Variants in PATJ observed in about 807,000 individuals in gnomAD.
The protein encoded by PATJ is PATJ crumbs cell polarity complex component, also known as inaD-like protein.
Under a neutral mutation model 224.9 loss-of-function variants are expected in PATJ, and 190 were observed. The observed-to-expected ratio is 0.84, with a 90% confidence interval of 0.75 to 0.95. PATJ has a LOEUF of 0.95. Ranked by LOEUF, PATJ falls within the 40% of genes least tolerant of loss-of-function variation. The pLI is 0.00. For synonymous variants in PATJ, 769 were observed against 820.3 expected, an observed-to-expected ratio of 0.94 and a Z score of 1.07; for missense variants, 2,121 against 2,270.3, an observed-to-expected ratio of 0.93 and a Z score of 1.34.
chr1:62,010,447 C>G (rs565804497), intron 28 of PATJ, among the ~76,000 whole-genome samples: 13 of 151,956 alleles, frequency 8.6e-5, no homozygotes, highest in African/African-American at 2.7e-4. Flanking sequence ...CTCCCCACCC[C>G]GCCCCAGCCT....
chr1:62,159,641 C>T (rs1330630585), intron 43 of PATJ, among the ~76,000 whole-genome samples: 1 of 151,144 alleles, frequency 6.6e-6, no homozygotes, highest in African/African-American at 2.4e-5. Context: ...TCACTCCAAC[C>T]TCTGCAGGTT....
chr1:61,773,111 C>G (rs1398028044), intron 6 of PATJ, among the ~76,000 whole-genome samples: 3 of 152,060 alleles, frequency 2.0e-5, no homozygotes, highest in African/African-American at 7.2e-5. Flanking sequence ...ACCCCCGCCT[C>G]CTGGGTTCAA....
intron 33 of PATJ, among the ~76,000 whole-genome samples, chr1:62,087,536 G>A (rs1005615153): frequency 6.6e-5 from 10 of 151,940 alleles, no homozygotes; most frequent in Admixed American, 6.6e-5. Flanking sequence ...CAAAGGTGGG[G>A]TTTTGCTGGG....
chr1:61,979,623 A>T lies in PATJ; in HGVS notation c.3671-10545A>T, dbSNP rs959239657. Among the ~76,000 whole-genome samples, 8 of 149,924 alleles carry T rather than the reference A, an allele frequency of 5.3e-5. No homozygotes were observed. The Admixed American group carries it at 5.4e-4, about 10-fold the overall frequency. ...AGCCAAGATCACACCACTGCACTCC[A>T]GCCTGGCGACAGAGGGAGACTCCGT... is the stretch of plus-strand genomic sequence containing the variant. On this transcript the variant is annotated intron_variant, in intron 27 of 43. Transcript: ENST00000642238.
At chr1:62,029,362 T>C (rs891655047) in intron 29 of PATJ, among the ~76,000 whole-genome samples, 9 of 152,234 alleles carry the variant, frequency 5.9e-5, no homozygotes, top group Admixed American at 2.0e-4. Flanking sequence ...GGGCTTGTTG[T>C]GTTTCCCTGA....
At chr1:62,112,267 AG>A (rs1226642698) in intron 34 of PATJ, among the ~76,000 whole-genome samples, 1 of 151,952 alleles carries the variant, frequency 6.6e-6, no homozygotes, top group African/African-American at 2.4e-5. Flanking sequence ...GCACTTTGGG[AG>A]GCCAAGGCTG....
At chr1:61,776,151 C>G (rs1377879785) in intron 7 of PATJ, among the ~76,000 whole-genome samples, 2 of 152,228 alleles carry the variant, frequency 1.3e-5, no homozygotes, top group Non-Finnish European at 2.9e-5. Flanking sequence ...CCTTATGCAG[C>G]TTGTGGAGCC....
Position 62,100,487 on chromosome 1 carries a change from C to T in PATJ, c.4378-7950C>T, listed in dbSNP as rs114542033. On this transcript the variant is annotated intron_variant, in intron 33 of 43. Transcript: ENST00000642238. Reference sequence around the variant, plus strand: ...CACTCCCAAGATAGCAGCATTAATCCATCCTTGAGGGCAGAGCCCTCATTA... The same window carrying T: ...CACTCCCAAGATAGCAGCATTAATCTATCCTTGAGGGCAGAGCCCTCATTA... 5.5e-3 allele frequency: 3,814 copies of T among 691,094 alleles called. 100 individuals carry two copies. In the African/African-American group the frequency reaches 0.056, roughly 10 times the overall value. The allele number at this position is 691,094 out of a possible 1,614,324, so 42.8% of individuals were successfully genotyped here.
intron 41 of PATJ, 143 bp from the exon 42 acceptor site, chr1:62,148,141 A>AAAAAAT: frequency 2.1e-6 from 1 of 471,916 alleles, no homozygotes. Context: ...AAAAAAAAAA[A>AAAAAAT]GTTTGAGAGA....
At chr1:61,825,599 C>A (rs1052329993) in intron 15 of PATJ, among the ~76,000 whole-genome samples, 4 of 152,004 alleles carry the variant, frequency 2.6e-5, no homozygotes, top group African/African-American at 9.7e-5. Context: ...AGTCTCAGCC[C>A]AGAACAGCTA....
intron 28 of PATJ, among the ~76,000 whole-genome samples, chr1:62,000,660 G>A (rs1265446151): frequency 1.3e-5 from 2 of 150,718 alleles, no homozygotes; most frequent in Admixed American, 6.6e-5. Flanking sequence ...ATAAACATAC[G>A]TGTGCATGTG....
intron 28 of PATJ, among the ~76,000 whole-genome samples, chr1:62,011,151 C>T (rs1646424066): frequency 6.6e-6 from 1 of 152,212 alleles, no homozygotes; most frequent in Non-Finnish European, 1.5e-5. Flanking sequence ...TCTTATCATT[C>T]CTGTGTTCGC....
At position 62,024,687 on chromosome 1, in the gene PATJ, C is replaced by T. The variant is rs914901566; in HGVS notation, c.3959+6740C>T. On this transcript the variant is annotated intron_variant, in intron 29 of 43. Coordinates refer to ENST00000642238, the MANE Select transcript of PATJ (RefSeq NM_001350145.3). ...ACACACACACACACACACACACACA[C>T]ACACACACACACACACACACACACA... Among the ~76,000 whole-genome samples the T allele has an allele frequency of 2.1e-5, 3 of 144,826 alleles. No individual in the cohort carries two copies. In the South Asian group the frequency reaches 6.6e-4, roughly 32 times the overall value.
chr1:61,814,547 T>TGTGCGCGCGC (rs370488022), intron 14 of PATJ, among the ~76,000 whole-genome samples: 56 of 142,572 alleles, frequency 3.9e-4, no homozygotes, highest in African/African-American at 1.5e-3. Context: ...TGTGTGTGTG[T>TGTGCGCGCGC]GCGCGCGCGC....
chr1:62,020,185 T>G (rs1177443491), intron 29 of PATJ, among the ~76,000 whole-genome samples: 2 of 151,976 alleles, frequency 1.3e-5, no homozygotes, highest in Non-Finnish European at 2.9e-5. Flanking sequence ...AAAAATTCTG[T>G]GGCTAGTACA....
At chr1:62,069,510 C>G (rs1165671154) in intron 31 of PATJ, among the ~76,000 whole-genome samples, 1 of 152,152 alleles carries the variant, frequency 6.6e-6, no homozygotes, top group African/African-American at 2.4e-5. Context: ...TCATCACGTA[C>G]CAGCTCCATC....
intron 37 of PATJ, among the ~76,000 whole-genome samples, chr1:62,120,047 T>C (rs959957223): frequency 6.6e-6 from 1 of 152,200 alleles, no homozygotes; most frequent in African/African-American, 2.4e-5. Context: ...TGATTAGTTA[T>C]CTATTATAGT....
At chr1:61,980,858 C>T (rs1301558239) in intron 27 of PATJ, among the ~76,000 whole-genome samples, 4 of 152,058 alleles carry the variant, frequency 2.6e-5, no homozygotes, top group African/African-American at 9.7e-5. Flanking sequence ...AAAAACTAAA[C>T]TGGCATTGCA....
At chr1:61,848,277 C>A (rs1662283642) in intron 17 of PATJ, among the ~76,000 whole-genome samples, 1 of 152,172 alleles carries the variant, frequency 6.6e-6, no homozygotes, top group South Asian at 2.1e-4. Flanking sequence ...CTCTTCTAAT[C>A]CACACTCATC....
Sources: allele counts gnomAD v4.1 joint callset (sites outside exome capture counted in the v4.1 genomes callset), GRCh38; gene constraint gnomAD v4.1.1; transcripts MANE v1.5; gene names NCBI Gene and HGNC (gene_info 2026-07-23, HGNC 2026-07-21).